SNU13: variants seen among roughly 807,000 people sequenced by gnomAD.
SNU13 encodes NHP2-like protein 1.
In SNU13, 2 loss-of-function variants were observed where a neutral mutation model predicts 12.4. The ratio of observed to expected loss-of-function variants is 0.16; its 90% confidence interval spans 0.07 to 0.51. The LOEUF (loss-of-function observed/expected upper bound fraction) is 0.51. SNU13 is among the 20% of genes least tolerant of loss of function. SNU13 has a pLI of 0.96. For synonymous variants in SNU13, 68 were observed against 66.5 expected, an observed-to-expected ratio of 1.02 and a Z score of -0.11; for missense variants, 66 against 157.8, an observed-to-expected ratio of 0.42 and a Z score of 3.12.
Position 41,680,325 on chromosome 22 carries a change from C to T in SNU13, c.43G>A (p.Asp15Asn). Residue 15 changes from aspartate (D) to asparagine (N), a missense_variant, in exon 2 of 3, where the codon GAT (aspartate) becomes AAT (asparagine). Asp to Asn is a conservative substitution (Grantham distance 23, BLOSUM62 1). Transcript: ENST00000401959. Reference protein sequence around the residue: ...DVNPKAYPLADAHLTKKLLDL... With the variant: ...DVNPKAYPLANAHLTKKLLDL... Reference sequence around the variant, plus strand: ...AGTAGCTTCTTGGTGAGGTGGGCATCGGCAAGGGGATAGGCCTTTGGATTC... The same window carrying T: ...AGTAGCTTCTTGGTGAGGTGGGCATTGGCAAGGGGATAGGCCTTTGGATTC... The T allele has an allele frequency of 1.2e-6, 2 of 1,613,976 alleles. No individual in the cohort carries two copies. The highest frequency in any genetic ancestry group is 1.1e-5 in the South Asian group (1 of 91,058).
chr22:41,677,957 C>T (rs552933890), intron 2 of SNU13, among the ~76,000 whole-genome samples: 1 of 151,570 alleles, frequency 6.6e-6, no homozygotes, highest in Admixed American at 6.6e-5. Flanking sequence ...CCCTTCTCTA[C>T]TTTATTCTGT....
At chr22:41,686,185 C>T (rs979391241) in intron 1 of SNU13, among the ~76,000 whole-genome samples, 2 of 152,040 alleles carry the variant, frequency 1.3e-5, no homozygotes, top group African/African-American at 4.8e-5. Flanking sequence ...AATTTTCCTT[C>T]TTTTGTGCCT....
chr22:41,686,199 A>G (rs975714719), intron 1 of SNU13, among the ~76,000 whole-genome samples: 3 of 150,640 alleles, frequency 2.0e-5, no homozygotes, highest in Non-Finnish European at 3.0e-5. Flanking sequence ...TGTGCCTTCT[A>G]TTTGTTCCAC....
intron 2 of SNU13, among the ~76,000 whole-genome samples, chr22:41,678,082 T>C (rs528241031): frequency 1.3e-5 from 2 of 152,146 alleles, no homozygotes; most frequent in South Asian, 4.2e-4. Context: ...TTCACACCAT[T>C]TTCCTGCCTC....
intron 1 of SNU13, among the ~76,000 whole-genome samples, chr22:41,684,671 A>G (rs904217108): frequency 1.3e-5 from 2 of 152,164 alleles, no homozygotes; most frequent in Admixed American, 6.6e-5. Context: ...TAAAATTTGC[A>G]GGGCTTGCTT....
At chr22:41,679,207 G>A (rs1230833514) in intron 2 of SNU13, among the ~76,000 whole-genome samples, 4 of 151,778 alleles carry the variant, frequency 2.6e-5, no homozygotes, top group African/African-American at 7.3e-5. Flanking sequence ...TCAGGAGTTC[G>A]AGACCAGCCT....
At chr22:41,675,826 T>C (rs137933675) in intron 2 of SNU13, among the ~76,000 whole-genome samples, 2,286 of 145,780 alleles carry the variant, frequency 0.016, 58 homozygotes, top group African/African-American at 0.054. Context: ...TCTTGGCTCA[T>C]TGCAACCTCT....
chr22:41,688,815 T>C lies in SNU13; in HGVS notation c.-19A>G. The C allele has an allele frequency of 6.3e-7, 1 of 1,599,686 alleles. No individual in the cohort carries two copies. On this transcript the variant is annotated 5_prime_UTR_variant, in exon 1 of 3. Transcript: ENST00000401959. ...TCACCATGGCTGCGGTTCCGCGGGC[T>C]CAGCACTCCTAGGGGAGCGCAGCTG...
chr22:41,685,680 T>C (rs2068304966), intron 1 of SNU13, among the ~76,000 whole-genome samples: 1 of 151,296 alleles, frequency 6.6e-6, no homozygotes, highest in South Asian at 2.1e-4. Context: ...AAAAAAATTG[T>C]TTAGGCTGGG....
At position 41,674,756 on chromosome 22, in the gene SNU13, G is replaced by A; in HGVS notation, c.*177C>T. The A allele has an allele frequency of 1.3e-6, 1 of 798,422 alleles. No homozygotes were observed. The highest frequency in any genetic ancestry group is 1.9e-6 in the Non-Finnish European group (1 of 517,882). 49.5% of individuals were successfully genotyped at this position (798,422 alleles called of 1,614,324 possible). A position where few individuals can be genotyped will look rare whatever the true frequency, so the allele number is the denominator to read the frequency against. ...ATGGCAGAGGGAGGGAGGAAAGGAA[G>A]GGGGATAGCAACCCTGTAAAACAGA... On this transcript the variant is annotated 3_prime_UTR_variant, in exon 3 of 3. Coordinates refer to ENST00000401959, the MANE Select transcript of SNU13 (RefSeq NM_001003796.2).
chr22:41,682,015 CAT>C (rs1269602997), intron 1 of SNU13, among the ~76,000 whole-genome samples: 1 of 151,688 alleles, frequency 6.6e-6, no homozygotes, highest in Non-Finnish European at 1.5e-5. Context: ...TTTACAAACA[CAT>C]ATTTATATAC....
At chr22:41,679,122 T>G (rs1296276789) in intron 2 of SNU13, among the ~76,000 whole-genome samples, 1 of 151,836 alleles carries the variant, frequency 6.6e-6, no homozygotes, top group Non-Finnish European at 1.5e-5. Flanking sequence ...AAAATAAGGC[T>G]GGGCAGCCGG....
At chr22:41,683,912 G>GT (rs928614013) in intron 1 of SNU13, among the ~76,000 whole-genome samples, 11 of 151,386 alleles carry the variant, frequency 7.3e-5, no homozygotes, top group South Asian at 2.1e-4. Context: ...TTTTTTTGTT[G>GT]TTTTTTTTGA....
At chr22:41,687,115 C>T (rs1031658180) in intron 1 of SNU13, among the ~76,000 whole-genome samples, 2 of 151,656 alleles carry the variant, frequency 1.3e-5, no homozygotes. Flanking sequence ...CACCACCACG[C>T]CTGGCTAATT....
At chr22:41,680,163 C>A in intron 2 of SNU13, 81 bp downstream of exon 2, 1 of 1,478,846 alleles carries the variant, frequency 6.8e-7, no homozygotes, top group Non-Finnish European at 9.1e-7. Flanking sequence ...GCCCTCCTCC[C>A]AAACTGGAAA....
chr22:41,686,063 G>C (rs953929239), intron 1 of SNU13, among the ~76,000 whole-genome samples: 1 of 151,938 alleles, frequency 6.6e-6, no homozygotes, highest in African/African-American at 2.4e-5. Context: ...TCTCGCCTCA[G>C]CCTCCCAATT....
intron 1 of SNU13, among the ~76,000 whole-genome samples, chr22:41,685,543 G>A (rs956218706): frequency 9.2e-5 from 14 of 151,462 alleles, no homozygotes; most frequent in African/African-American, 2.4e-4. Context: ...TAGTAAAGAC[G>A]GGGTTTCACC....
intron 2 of SNU13, among the ~76,000 whole-genome samples, chr22:41,679,493 T>C (rs1601571133): frequency 1.3e-5 from 2 of 149,954 alleles, no homozygotes; most frequent in South Asian, 4.2e-4. Context: ...GAAGCGGAGG[T>C]TGCAGTAAGC....
intron 2 of SNU13, among the ~76,000 whole-genome samples, chr22:41,676,626 G>A (rs949852399): frequency 2.6e-5 from 4 of 151,628 alleles, no homozygotes; most frequent in Middle Eastern, 3.2e-3. Context: ...AAAAGGCCAA[G>A]TTAAAATAGG....
Sources: allele counts gnomAD v4.1 joint callset (sites outside exome capture counted in the v4.1 genomes callset), GRCh38; gene constraint gnomAD v4.1.1; transcripts MANE v1.5; gene names NCBI Gene and HGNC (gene_info 2026-07-23, HGNC 2026-07-21).